Variants in WDTC1 observed in about 807,000 individuals in gnomAD.
WDTC1 encodes WD and tetratricopeptide repeats protein 1.
In WDTC1, 12 loss-of-function variants were observed where a neutral mutation model predicts 76.0. That is an observed-to-expected ratio of 0.16 (90% CI 0.10 to 0.26). The LOEUF (loss-of-function observed/expected upper bound fraction) is 0.26. WDTC1 is among the 10% of genes least tolerant of loss of function. The pLI is 1.00. For synonymous variants in WDTC1, 326 were observed against 350.8 expected (o/e 0.93, Z 0.79); for missense variants, 511 against 908.8 (o/e 0.56, Z 5.63).
At chr1:27,287,088 G>A (rs928230297) in intron 5 of WDTC1, among the ~76,000 whole-genome samples, 3 of 151,432 alleles carry the variant, frequency 2.0e-5, no homozygotes, top group Admixed American at 6.6e-5. Context: ...GCTTGAACCC[G>A]GGAGGTGGAA....
chr1:27,296,722 A>G (rs2147985103), intron 10 of WDTC1, among the ~76,000 whole-genome samples: 1 of 146,028 alleles, frequency 6.8e-6, no homozygotes, highest in South Asian at 2.2e-4. Flanking sequence ...TGGGGCCTAC[A>G]GTTGATTTAG....
At chr1:27,259,867 A>G (rs573751637) in intron 1 of WDTC1, among the ~76,000 whole-genome samples, 101 of 151,836 alleles carry the variant, frequency 6.7e-4, no homozygotes, top group African/African-American at 2.2e-3. Flanking sequence ...CAAAAAAAAA[A>G]AAAAGAGAGA....
chr1:27,289,394 C>T (rs1199427920), intron 6 of WDTC1, among the ~76,000 whole-genome samples: 5 of 150,420 alleles, frequency 3.3e-5, no homozygotes, highest in East Asian at 2.0e-4. Flanking sequence ...GGGTCGCGGC[C>T]GGGCAGAGGC....
chr1:27,259,469 T>C (rs991989259), intron 1 of WDTC1, among the ~76,000 whole-genome samples: 7 of 150,648 alleles, frequency 4.6e-5, no homozygotes, highest in African/African-American at 1.7e-4. Flanking sequence ...TGCCCAGCCA[T>C]ATTTTGAGTT....
intron 1 of WDTC1, among the ~76,000 whole-genome samples, chr1:27,236,704 A>C (rs923688034): frequency 1.3e-5 from 2 of 152,170 alleles, no homozygotes; most frequent in Non-Finnish European, 2.9e-5. Flanking sequence ...AGACTTTAGG[A>C]TCTGGAAAGA....
At position 27,245,517 on chromosome 1, in the gene WDTC1, A is replaced by G. The variant is rs1006217312; in HGVS notation, c.-100+10566A>G. Among the ~76,000 whole-genome samples, 4 of 151,726 alleles carry G rather than the reference A, an allele frequency of 2.6e-5. No homozygotes were observed. The Middle Eastern group carries it at 0.014, about 516-fold the overall frequency. ...GCTAAGAATGGAATTTTCTTTCCAT[A>G]ACCTGTGATTTTGAGGTAGAGAAAA... On this transcript the variant is annotated intron_variant, in intron 1 of 15. Coordinates refer to ENST00000319394, the MANE Select transcript of WDTC1 (RefSeq NM_001276252.2).
intron 5 of WDTC1, among the ~76,000 whole-genome samples, chr1:27,284,149 A>G (rs1283014919): frequency 6.6e-6 from 1 of 152,218 alleles, no homozygotes; most frequent in Admixed American, 6.5e-5. Context: ...GTAAGTCCAC[A>G]GAATTAAATG....
At chr1:27,268,429 GT>G (rs2012746187) in intron 3 of WDTC1, among the ~76,000 whole-genome samples, 1 of 145,884 alleles carries the variant, frequency 6.9e-6, no homozygotes, top group Non-Finnish European at 1.5e-5. Flanking sequence ...TTTGTTTGTG[GT>G]TTTTTTGTGA....
At chr1:27,238,899 G>A (rs1385433142) in intron 1 of WDTC1, among the ~76,000 whole-genome samples, 2 of 150,770 alleles carry the variant, frequency 1.3e-5, no homozygotes, top group East Asian at 2.0e-4. Flanking sequence ...TTAGAGACAG[G>A]GTTTTGCCAT....
At chr1:27,278,868 C>T (rs1570966764) in intron 3 of WDTC1, among the ~76,000 whole-genome samples, 1 of 152,162 alleles carries the variant, frequency 6.6e-6, no homozygotes, top group South Asian at 2.1e-4. Context: ...CTTTGGGAGG[C>T]CAAGGCCAAC....
rs34447091 is a variant in WDTC1, at chr1:27,269,164, CAAAAAAAAAAAAA to C, written c.132+5944_132+5956del. Among the ~76,000 whole-genome samples the C allele has an allele frequency of 9.6e-3, 566 of 58,860 alleles. 3 individuals carry two copies. Among genetic ancestry groups the C allele is most frequent in the Non-Finnish European group, 0.011 (412 of 36,608 alleles). 38.6% of individuals were successfully genotyped at this position (58,860 alleles called of 152,430 possible). The stretch of plus-strand genomic sequence containing the variant: ...GTAACATAAGGAGGCCCTGTTTCTC[CAAAAAAAAAAAAA>C]AAAAAAAAAAAAAATCAGCTAGGTG... On this transcript the variant is annotated intron_variant, in intron 3 of 15. Transcript: ENST00000319394.
Position 27,307,631 on chromosome 1 carries a change from C to A in WDTC1, c.*1248C>A. 1 of 153,052 alleles carries A rather than the reference C, an allele frequency of 6.5e-6. No homozygotes were observed. 9.5% of individuals were successfully genotyped at this position (153,052 alleles called of 1,614,324 possible). A position where few individuals can be genotyped will look rare whatever the true frequency, so the allele number is the denominator to read the frequency against. ...CACTCCCTCGCTCCCTCCCTCAGCC[C>A]CTGTCTCTGCCAGGTGCCTCCTCTC... On this transcript the variant is annotated 3_prime_UTR_variant, in exon 16 of 16. Coordinates refer to ENST00000319394, the MANE Select transcript of WDTC1 (RefSeq NM_001276252.2). This position sits in a 1 kb window ranked among gnomAD's most constrained non-coding sequence, Gnocchi z 4.1.
At chr1:27,263,694 A>G (rs1271079069) in intron 3 of WDTC1, among the ~76,000 whole-genome samples, 1 of 152,076 alleles carries the variant, frequency 6.6e-6, no homozygotes, top group Non-Finnish European at 1.5e-5. Flanking sequence ...TTGGACTCCC[A>G]CTGGGATTAC....
Position 27,260,994 on chromosome 1 carries a change from G to T in WDTC1, c.-61G>T. The stretch of plus-strand genomic sequence containing the variant: ...TATTTTGTGGACCTGGGCTTGGCTG[G>T]AATGCTCAGGGGTCCTGAAGATCCT... On this transcript the variant is annotated 5_prime_UTR_variant, in exon 2 of 16. The change creates a premature stop within an existing upstream ORF in the 5' untranslated region. Coordinates refer to ENST00000319394, the MANE Select transcript of WDTC1 (RefSeq NM_001276252.2). 6.3e-7 allele frequency: 1 copy of T among 1,580,298 alleles called. No individual in the cohort carries two copies. Among genetic ancestry groups the T allele is most frequent in the Non-Finnish European group, 8.7e-7 (1 of 1,155,738 alleles).
At chr1:27,280,959 A>T (rs2013169357) in intron 3 of WDTC1, among the ~76,000 whole-genome samples, 4 of 150,712 alleles carry the variant, frequency 2.7e-5, no homozygotes, top group African/African-American at 9.8e-5. Context: ...TCTTTTTCTT[A>T]TTTTTATTTT....
chr1:27,259,416 C>T lies in WDTC1; in HGVS notation c.-99-1540C>T, dbSNP rs141385978. The stretch of plus-strand genomic sequence containing the variant: ...CACCTGGTTTCAAGTAGTCCTCCCA[C>T]CTCAACCTCCCAAAGTACTGGGATT... On this transcript the variant is annotated intron_variant, in intron 1 of 15. Coordinates refer to ENST00000319394, the MANE Select transcript of WDTC1 (RefSeq NM_001276252.2). Among the ~76,000 whole-genome samples the T allele has an allele frequency of 1.9e-3, 283 of 151,464 alleles. 1 individual carries two copies. The highest frequency in any genetic ancestry group is 6.3e-3 in the African/African-American group (260 of 41,282).
In WDTC1 at chr1:27,278,055, C is replaced by T. The variant is rs1040759240; in HGVS notation, c.133-4184C>T. Among the ~76,000 whole-genome samples, 6 of 152,228 alleles carry T rather than the reference C, an allele frequency of 3.9e-5. No homozygotes were observed. In the South Asian group the frequency reaches 1.2e-3, roughly 32 times the overall value. On this transcript the variant is annotated intron_variant, in intron 3 of 15. Transcript: ENST00000319394. ...ATGGGGTTTCACCATGTTGGCCAGG[C>T]TGGTCTCAAACCCCTGACCTCAAAT... is the stretch of plus-strand genomic sequence containing the variant.
chr1:27,294,928 A>G (rs1420825515), intron 9 of WDTC1, among the ~76,000 whole-genome samples: 1 of 152,198 alleles, frequency 6.6e-6, no homozygotes, highest in African/African-American at 2.4e-5. Flanking sequence ...CCTGCTGTTC[A>G]GCAGCTGTTT....
At chr1:27,245,120 A>G (rs1262422122) in intron 1 of WDTC1, among the ~76,000 whole-genome samples, 1 of 151,670 alleles carries the variant, frequency 6.6e-6, no homozygotes, top group Non-Finnish European at 1.5e-5. Context: ...CCTCAGTACC[A>G]TGTAGTATTC....
Sources: allele counts gnomAD v4.1 joint callset (sites outside exome capture counted in the v4.1 genomes callset), GRCh38; gene constraint gnomAD v4.1.1; non-coding constraint Gnocchi (gnomAD v3.1); transcripts MANE v1.5; gene names NCBI Gene and HGNC (gene_info 2026-07-23, HGNC 2026-07-21).